Variants in RFX8 observed in about 807,000 individuals in gnomAD.
RFX8 encodes the protein regulatory factor X8, also known as DNA-binding protein RFX8.
A neutral mutation model predicts 54.6 loss-of-function variants in RFX8; 46 were observed. That is an observed-to-expected ratio of 0.84 (90% confidence interval 0.67 to 1.08). The LOEUF (loss-of-function observed/expected upper bound fraction) is 1.08, where lower values mean the gene tolerates loss of function less well. RFX8 is among the 50% of genes least tolerant of loss of function. The pLI is 0.00. For missense variants in RFX8, 536 were observed against 562.3 expected, an observed-to-expected ratio of 0.95 and a Z score of 0.47; for synonymous variants, 192 against 209.5, an observed-to-expected ratio of 0.92 and a Z score of 0.72.
At chr2:101,401,382 G>C (rs1360122049) in intron 11 of RFX8, among the ~76,000 whole-genome samples, 1 of 152,124 alleles carries the variant, frequency 6.6e-6, no homozygotes, top group East Asian at 1.9e-4. Flanking sequence ...TGCTCAAGAA[G>C]GAAAGGGCCC....
At chr2:101,419,094 G>T in intron 4 of RFX8, 130 bp from the exon 5 acceptor site, 1 of 604,844 alleles carries the variant, frequency 1.7e-6, no homozygotes, top group Non-Finnish European at 3.0e-6. Flanking sequence ...GTAAAGCTTT[G>T]CCTCTCAGCT....
Position 101,397,650 on chromosome 2 carries a change from G to A in RFX8, c.1320C>T (p.Ala440=). 1.9e-6 allele frequency: 3 copies of A among 1,551,290 alleles called. No individual in the cohort carries two copies. The highest frequency in any genetic ancestry group is 2.6e-6 in the Non-Finnish European group (3 of 1,146,798). ...VKLSLPMGQE[A]LITLKDGQQF... is the part of the protein sequence containing the mutation. ...GTTGTCCATCTTTTAGGGTTATGAG[G>A]GCTTCTTGTCCCATAGGAAGGCTGA... The change falls in exon 12 of 12, where the codon GCC becomes GCT. Residue 440 remains alanine (A), a synonymous_variant. Transcript: ENST00000428343.
intron 11 of RFX8, 138 bp from the exon 12 acceptor site, chr2:101,397,862 TC>T (rs1055321037): frequency 2.9e-6 from 2 of 683,764 alleles, no homozygotes; most frequent in African/African-American, 1.9e-5. Context: ...ATGCATTTAT[TC>T]CTTTTTTTTT....
intron 2 of RFX8, 113 bp from the exon 3 acceptor site, chr2:101,422,585 C>T (rs1573395317): frequency 1.5e-6 from 1 of 668,594 alleles, no homozygotes; most frequent in Non-Finnish European, 2.7e-6. Context: ...AACCTTTTAG[C>T]CACACCTCTG....
At chr2:101,457,761 C>G (rs761779479) in intron 2 of RFX8, among the ~76,000 whole-genome samples, 10 of 152,162 alleles carry the variant, frequency 6.6e-5, no homozygotes, top group Non-Finnish European at 1.2e-4. Context: ...CCCAGATATC[C>G]TTGTTAACCT....
chr2:101,397,683 T>G lies in RFX8; in HGVS notation c.1287A>C (p.Ala429=), dbSNP rs1487157298. Residue 429 remains alanine, a synonymous_variant, in exon 12 of 12, where the codon GCA becomes GCC. Transcript: ENST00000428343. ...GTCCCATAGGAAGGCTGAGTTTAAC[T>G]GCGCTTTCAGTGGTTTCATCTTCCA... ...VLLEDETTES[A]VKLSLPMGQE... is the part of the protein sequence containing the mutation. The G allele has an allele frequency of 1.3e-6, 2 of 1,551,216 alleles. No individual in the cohort carries two copies. Among genetic ancestry groups the G allele is most frequent in the Non-Finnish European group, 1.7e-6 (2 of 1,146,840 alleles).
chr2:101,410,468 C>T (rs188351952), intron 9 of RFX8, 151 bp downstream of exon 9: 26 of 602,138 alleles, frequency 4.3e-5, no homozygotes, highest in Admixed American at 3.3e-4. Flanking sequence ...CTACAGAGTT[C>T]GAGGCCATCC....
intron 2 of RFX8, among the ~76,000 whole-genome samples, chr2:101,466,310 A>G (rs899696546): frequency 1.6e-4 from 3 of 18,708 alleles, no homozygotes; most frequent in African/African-American, 4.6e-4. Context: ...TCTATCTCGG[A>G]AAAAAAAAAA....
chr2:101,420,484 A>G (rs1028502010), intron 4 of RFX8, among the ~76,000 whole-genome samples: 9 of 152,146 alleles, frequency 5.9e-5, no homozygotes, highest in African/African-American at 2.2e-4. Context: ...GTGGAGGTAC[A>G]GTGAGCCGAG....
intron 2 of RFX8, among the ~76,000 whole-genome samples, chr2:101,425,514 C>T (rs1687120746): frequency 6.6e-6 from 1 of 152,108 alleles, no homozygotes; most frequent in African/African-American, 2.4e-5. Flanking sequence ...CACAGTTTCG[C>T]CTGTTCAGAA....
intron 4 of RFX8, chr2:101,421,157 G>T: frequency 1.5e-6 from 1 of 679,172 alleles, no homozygotes; most frequent in Non-Finnish European, 1.8e-6. Context: ...GAAGTGCTTA[G>T]AATATACTAA....
At chr2:101,399,321 A>T (rs1200570589) in intron 11 of RFX8, among the ~76,000 whole-genome samples, 4 of 152,204 alleles carry the variant, frequency 2.6e-5, no homozygotes, top group Non-Finnish European at 5.9e-5. Flanking sequence ...ATGCAATGAA[A>T]ATCAGATGAG....
chr2:101,466,357 C>T (rs918249037), intron 2 of RFX8, among the ~76,000 whole-genome samples: 1 of 151,794 alleles, frequency 6.6e-6, no homozygotes, highest in African/African-American at 2.4e-5. Context: ...TTTTAAGAGC[C>T]AATGAGTTCT....
At chr2:101,472,702 A>C (rs915048814) in intron 1 of RFX8, among the ~76,000 whole-genome samples, 6 of 152,174 alleles carry the variant, frequency 3.9e-5, no homozygotes, top group African/African-American at 9.7e-5. Flanking sequence ...AACAAACAAA[A>C]AAAATCTCAT....
In RFX8 at chr2:101,410,623, A is replaced by T; in HGVS notation, c.809T>A (p.Phe270Tyr). The change falls in exon 9 of 12, where the codon TTC (phenylalanine) becomes TAC (tyrosine). Residue 270 changes from phenylalanine to tyrosine, a missense_variant. Phe to Tyr is a conservative substitution (Grantham distance 22). Coordinates refer to ENST00000428343, the MANE Select transcript of RFX8 (RefSeq NM_001145664.2). ...CLSSHLQAFV[F>Y]QTSRSKEEFT... ...TTTTAAGTCACAGCTTCCTACCTGGAACACAAATGCTTGGAGATGTGAAGA... is the reference window on the plus strand; with the variant it reads ...TTTTAAGTCACAGCTTCCTACCTGGTACACAAATGCTTGGAGATGTGAAGA... The T allele has an allele frequency of 6.6e-7, 1 of 1,508,950 alleles. No homozygotes were observed. 93.5% of individuals were successfully genotyped at this position (1,508,950 alleles called of 1,614,324 possible).
At chr2:101,462,395 A>G (rs1689332257) in intron 2 of RFX8, among the ~76,000 whole-genome samples, 1 of 152,194 alleles carries the variant, frequency 6.6e-6, no homozygotes, top group Admixed American at 6.5e-5. Context: ...ATGTCGCTGT[A>G]TTCCAGCCTA....
At chr2:101,470,789 G>A (rs559188385) in intron 1 of RFX8, among the ~76,000 whole-genome samples, 1 of 140,876 alleles carries the variant, frequency 7.1e-6, no homozygotes, top group South Asian at 2.2e-4. Flanking sequence ...GCGCGATCTC[G>A]GCTTAATGCA....
At chr2:101,440,963 G>A in intron 2 of RFX8, among the ~76,000 whole-genome samples, 1 of 58,480 alleles carries the variant, frequency 1.7e-5, no homozygotes, top group East Asian at 3.9e-4. Flanking sequence ...AACCCATGTT[G>A]AAATTTTTTT....
Position 101,452,931 on chromosome 2 carries a change from C to T in RFX8, c.72+13846G>A, listed in dbSNP as rs148462674. Among the ~76,000 whole-genome samples, 730 of 150,818 alleles carry T rather than the reference C, an allele frequency of 4.8e-3. 18 individuals are homozygous for T. The highest frequency in any genetic ancestry group is 0.017 in the African/African-American group (693 of 40,294). On this transcript the variant is annotated intron_variant, in intron 2 of 11. Coordinates refer to ENST00000428343, the MANE Select transcript of RFX8 (RefSeq NM_001145664.2). ...ACCATCCTGGCCAACATGGTGAAAC[C>T]CCGTCTCTGCTAAAAATACAAAAAT...
Sources: allele counts gnomAD v4.1 joint callset (sites outside exome capture counted in the v4.1 genomes callset), GRCh38; gene constraint gnomAD v4.1.1; transcripts MANE v1.5; gene names NCBI Gene and HGNC (gene_info 2026-07-23, HGNC 2026-07-21).